The following ANXA7 variants were observed in gnomAD, a reference collection of about 807,000 sequenced individuals.
ANXA7 encodes annexin VII.
ANXA7 carries 55 observed loss-of-function variants against 64.9 expected under a neutral mutation model. The observed-to-expected ratio is 0.85, with a 90% CI of 0.68 to 1.06. The LOEUF is 1.06. Ranked by LOEUF, ANXA7 falls within the 50% of genes least tolerant of loss-of-function variation. The pLI is 0.00. For missense variants in ANXA7, 548 were observed against 582.1 expected (o/e 0.94, Z 0.60); for synonymous variants, 200 against 192.4 (o/e 1.04, Z -0.33).
At chr10:73,386,816 C>T (rs1045578454) in intron 7 of ANXA7, among the ~76,000 whole-genome samples, 3 of 152,070 alleles carry the variant, frequency 2.0e-5, no homozygotes, top group Non-Finnish European at 2.9e-5. Flanking sequence ...TATGGACACA[C>T]GCCACCACGC....
chr10:73,390,870 T>C (rs2055469593), intron 5 of ANXA7, among the ~76,000 whole-genome samples: 1 of 151,796 alleles, frequency 6.6e-6, no homozygotes, highest in Admixed American at 6.6e-5. Flanking sequence ...TTAAACTGAA[T>C]TCAAAGAAAT....
intron 5 of ANXA7, among the ~76,000 whole-genome samples, chr10:73,394,215 G>A (rs1430341795): frequency 6.6e-6 from 1 of 152,148 alleles, no homozygotes; most frequent in East Asian, 1.9e-4. Flanking sequence ...CAAACAACAC[G>A]TGCTGGAGAG....
At position 73,376,181 on chromosome 10, in the gene ANXA7, T is replaced by C; in HGVS notation, c.1315A>G (p.Met439Val). Residue 439 changes from methionine to valine, a missense_variant, in exon 13 of 13, where the codon ATG becomes GTG. By Grantham distance (21) the Met-to-Val change is conservative. Transcript: ENST00000372921. ...ATTGTGCCCAGAGTCTTCTGATACA[T>C]CTGAGCGAACATCTGTTTTATTTGT... ...LVQIKQMFAQ[M>V]YQKTLGTMIA... The C allele has an allele frequency of 6.2e-7, 1 of 1,601,410 alleles. No individual in the cohort carries two copies. Among genetic ancestry groups the C allele is most frequent in the East Asian group, 2.2e-5 (1 of 44,466 alleles).
At chr10:73,387,158 CAT>C (rs1192899112) in intron 7 of ANXA7, among the ~76,000 whole-genome samples, 3 of 152,188 alleles carry the variant, frequency 2.0e-5, no homozygotes, top group African/African-American at 7.2e-5. Flanking sequence ...ATGTCTATCA[CAT>C]ATGTGACTGG....
At chr10:73,393,858 T>C (rs1197335459) in intron 5 of ANXA7, among the ~76,000 whole-genome samples, 1 of 152,080 alleles carries the variant, frequency 6.6e-6, no homozygotes. Flanking sequence ...AATTAAGAAA[T>C]GGGATCTAAT....
At chr10:73,398,079 C>G in intron 3 of ANXA7, 102 bp downstream of exon 3, 1 of 1,212,874 alleles carries the variant, frequency 8.2e-7, no homozygotes, top group Admixed American at 2.7e-5. Context: ...CTAAGAGCGA[C>G]TTGACCTTAT....
In ANXA7 at chr10:73,378,988, C is replaced by G. The variant is rs1241846600; in HGVS notation, c.1201G>C (p.Glu401Gln). 6.2e-7 allele frequency: 1 copy of G among 1,613,444 alleles called. No individual in the cohort carries two copies. The highest frequency in any genetic ancestry group is 1.1e-5 in the South Asian group (1 of 90,914). Residue 401 changes from glutamate to glutamine, a missense_variant, in exon 12 of 13, where the codon GAG (glutamate) becomes CAG (glutamine). By Grantham distance (29) the Glu-to-Gln change is conservative. Transcript: ENST00000372921. Reference sequence around the variant, plus strand: ...CCTTTCATAGCATAGTAGAGCCTCTCAGCAAAGAAGGCAGGGCGGTTCAGG... The same window carrying G: ...CCTTTCATAGCATAGTAGAGCCTCTGAGCAAAGAAGGCAGGGCGGTTCAGG... ...CALNRPAFFA[E>Q]RLYYAMKGAG...
chr10:73,390,721 A>ATATATATATAT (rs1564526498), intron 5 of ANXA7, among the ~76,000 whole-genome samples: 3 of 107,736 alleles, frequency 2.8e-5, no homozygotes, highest in African/African-American at 1.2e-4. Context: ...TATATATATA[A>ATATATATATAT]AAATATATAT....
chr10:73,413,524 G>A (rs146551741), intron 1 of ANXA7, among the ~76,000 whole-genome samples: 94 of 152,336 alleles, frequency 6.2e-4, no homozygotes, highest in African/African-American at 2.2e-3. Flanking sequence ...TCCAAGAACT[G>A]TAAACGAGAA....
chr10:73,398,531 A>T (rs2055612857), intron 2 of ANXA7, 146 bp from the exon 3 acceptor site: 1 of 727,198 alleles, frequency 1.4e-6, no homozygotes, highest in Non-Finnish European at 2.2e-6. Flanking sequence ...GGTATCTTAT[A>T]CTAGTTTATC....
In ANXA7 at chr10:73,380,156, C is replaced by T. The variant is rs780730383; in HGVS notation, c.964G>A (p.Glu322Lys). 27 of 1,614,016 alleles carry T rather than the reference C, an allele frequency of 1.7e-5. No individual in the cohort carries two copies. Among genetic ancestry groups the T allele is most frequent in the Middle Eastern group, 1.6e-4 (1 of 6,084 alleles). The change falls in exon 10 of 13, where the codon GAA becomes AAA. Residue 322 changes from glutamate to lysine, a missense_variant. Physicochemically the swap from Glu to Lys is moderately conservative, Grantham distance 56. Coordinates refer to ENST00000372921, the MANE Select transcript of ANXA7 (RefSeq NM_001156.5). Reference sequence around the variant, plus strand: ...GCTTGATAGAGACGCTGAGCATCTTCCTGAGCCATTTGGTGGTTTATACTC... The same window carrying T: ...GCTTGATAGAGACGCTGAGCATCTTTCTGAGCCATTTGGTGGTTTATACTC... The part of the protein sequence containing the change: ...NQSINHQMAQ[E>K]DAQRLYQAGE...
At chr10:73,391,126 C>A (rs1459987900) in intron 5 of ANXA7, among the ~76,000 whole-genome samples, 4 of 149,594 alleles carry the variant, frequency 2.7e-5, no homozygotes, top group South Asian at 4.3e-4. Context: ...CCAGATCGCG[C>A]CACTGCACAC....
rs1225524724 is a variant in ANXA7, at chr10:73,387,649, C to T, written c.633+40G>A. 2.8e-6 allele frequency: 4 copies of T among 1,446,254 alleles called. No homozygotes were observed. In the South Asian group the frequency reaches 3.4e-5, roughly 12 times the overall value. The allele number at this position is 1,446,254 out of a possible 1,614,324, so 89.6% of individuals were successfully genotyped here. On this transcript the variant is annotated intron_variant, in intron 7 of 12. Coordinates refer to ENST00000372921, the MANE Select transcript of ANXA7 (RefSeq NM_001156.5). ...AATCTGACATGAATGCAGAGTCTACCAGCCACTGCTGGTGCTCATTCCAGG... is the reference window on the plus strand; with the variant it reads ...AATCTGACATGAATGCAGAGTCTACTAGCCACTGCTGGTGCTCATTCCAGG...
chr10:73,381,742 T>C (rs915041938), intron 9 of ANXA7, among the ~76,000 whole-genome samples: 2 of 152,152 alleles, frequency 1.3e-5, no homozygotes, highest in Non-Finnish European at 1.5e-5. Flanking sequence ...TTTTTTAGCA[T>C]TGTCTGTTTT....
intron 7 of ANXA7, among the ~76,000 whole-genome samples, chr10:73,385,892 A>T (rs1434482283): frequency 6.6e-6 from 1 of 152,154 alleles, no homozygotes; most frequent in East Asian, 1.9e-4. Flanking sequence ...TGCAGAGAAC[A>T]TTAGGATATT....
intron 5 of ANXA7, among the ~76,000 whole-genome samples, chr10:73,394,711 G>A (rs1686783865): frequency 6.6e-6 from 1 of 152,172 alleles, no homozygotes; most frequent in Admixed American, 6.5e-5. Flanking sequence ...GGACTGTCGT[G>A]GGGTTGGGGT....
chr10:73,383,718 A>G (rs2055313036), intron 7 of ANXA7, 28 bp from the exon 8 acceptor site: 3 of 1,406,132 alleles, frequency 2.1e-6, no homozygotes, highest in African/African-American at 1.4e-5. Context: ...CAAGCTAAGT[A>G]TATGTGTTCT....
At chr10:73,383,518 G>T in intron 8 of ANXA7, 59 bp downstream of exon 8, 1 of 1,396,958 alleles carries the variant, frequency 7.2e-7, no homozygotes, top group Non-Finnish European at 1.0e-6. Context: ...GTCATAATTT[G>T]TACGGTTTTA....
chr10:73,388,516 A>G (rs2055417169), intron 5 of ANXA7, 102 bp from the exon 6 acceptor site: 1 of 879,756 alleles, frequency 1.1e-6, no homozygotes, highest in Non-Finnish European at 1.8e-6. Context: ...AAGAAGGCCA[A>G]TGTTTGGGTT....
Sources: gnomAD v4.1 joint callset for allele counts (sites outside exome capture counted in the v4.1 genomes callset) on GRCh38, gnomAD v4.1.1 for gene constraint, MANE v1.5 for transcripts, NCBI Gene and HGNC (gene_info 2026-07-23, HGNC 2026-07-21) for gene names.